Variants in SCFD2 observed in about 807,000 individuals in gnomAD.
SCFD2 encodes the protein sec1 family domain-containing protein 2.
In SCFD2, 54 loss-of-function variants were observed where a neutral mutation model predicts 58.9. That is an observed-to-expected ratio of 0.92 (90% confidence interval 0.74 to 1.15). The LOEUF (loss-of-function observed/expected upper bound fraction) is 1.15. SCFD2 is among the 50% of genes most tolerant of loss of function. The pLI is 0.00. For missense variants in SCFD2, 805 were observed against 836.6 expected (o/e 0.96, Z 0.47); for synonymous variants, 321 against 335.9 (o/e 0.96, Z 0.49).
chr4:53,115,298 A>G lies in SCFD2; in HGVS notation c.1561+30035T>C, dbSNP rs546384866. Among the ~76,000 whole-genome samples, 253 of 152,246 alleles carry G rather than the reference A, an allele frequency of 1.7e-3. 1 individual carries two copies. Among genetic ancestry groups the G allele is most frequent in the Admixed American group, 4.7e-3 (71 of 15,256 alleles). ...TTTAGAAACACTAATTCAAGAAAAA[A>G]CTGAAAGAACATGATAAGATTAACC... On this transcript the variant is annotated intron_variant, in intron 5 of 8. Transcript: ENST00000401642.
chr4:53,061,536 G>A (rs1723510998), intron 5 of SCFD2, among the ~76,000 whole-genome samples: 1 of 152,142 alleles, frequency 6.6e-6, no homozygotes, highest in African/African-American at 2.4e-5. Context: ...TACAAACGAG[G>A]ACAGGAGGAC....
chr4:53,202,963 C>A (rs1357699711), intron 4 of SCFD2, among the ~76,000 whole-genome samples: 1 of 152,180 alleles, frequency 6.6e-6, no homozygotes, highest in African/African-American at 2.4e-5. Flanking sequence ...ACAATCATGT[C>A]ATCTGCAAAC....
At chr4:52,930,314 AAT>A (rs1226379942) in intron 5 of SCFD2, among the ~76,000 whole-genome samples, 2 of 152,200 alleles carry the variant, frequency 1.3e-5, no homozygotes, top group African/African-American at 4.8e-5. Flanking sequence ...ATATGCAGAA[AAT>A]TGAAACTGGA....
chr4:53,314,619 C>T (rs751329397), intron 2 of SCFD2, among the ~76,000 whole-genome samples: 16 of 152,196 alleles, frequency 1.1e-4, no homozygotes, highest in Non-Finnish European at 2.1e-4. Flanking sequence ...TACTCACTCT[C>T]CTACTATCCA....
chr4:53,066,883 C>A (rs11733701), intron 5 of SCFD2, among the ~76,000 whole-genome samples: 4,870 of 152,042 alleles, frequency 0.032, 127 homozygotes, highest in Non-Finnish European at 0.047. Flanking sequence ...TTATACGTAG[C>A]AGTTATTCAA....
chr4:53,230,905 C>G (rs908000214), intron 4 of SCFD2, among the ~76,000 whole-genome samples: 1 of 152,040 alleles, frequency 6.6e-6, no homozygotes, highest in Non-Finnish European at 1.5e-5. Flanking sequence ...AAGAACTATA[C>G]ATACATCAAA....
At chr4:53,217,743 G>A (rs1054853902) in intron 4 of SCFD2, among the ~76,000 whole-genome samples, 8 of 152,140 alleles carry the variant, frequency 5.3e-5, no homozygotes, top group Non-Finnish European at 1.2e-4. Flanking sequence ...GGTATCAATG[G>A]TCTTTACAAT....
intron 7 of SCFD2, among the ~76,000 whole-genome samples, chr4:52,892,809 C>G (rs1268781692): frequency 6.6e-6 from 1 of 152,184 alleles, no homozygotes; most frequent in East Asian, 1.9e-4. Context: ...TGGTTTGTCT[C>G]TATATCTTCC....
intron 8 of SCFD2, among the ~76,000 whole-genome samples, chr4:52,885,208 G>A (rs1718707058): frequency 6.6e-6 from 1 of 152,120 alleles, no homozygotes; most frequent in Non-Finnish European, 1.5e-5. Context: ...CCCTCTAATT[G>A]CCACAGTTGG....
intron 4 of SCFD2, among the ~76,000 whole-genome samples, chr4:53,221,159 G>A (rs1323095587): frequency 2.0e-5 from 3 of 152,114 alleles, no homozygotes; most frequent in Non-Finnish European, 2.9e-5. Context: ...CCACTCAACA[G>A]CCACCTCACC....
At chr4:53,061,532 C>G (rs532112274) in intron 5 of SCFD2, among the ~76,000 whole-genome samples, 2 of 152,114 alleles carry the variant, frequency 1.3e-5, no homozygotes, top group Non-Finnish European at 2.9e-5. Flanking sequence ...TTAGTACAAA[C>G]GAGGACAGGA....
chr4:53,179,669 A>C (rs1416271907), intron 4 of SCFD2, among the ~76,000 whole-genome samples: 1 of 152,214 alleles, frequency 6.6e-6, no homozygotes, highest in Non-Finnish European at 1.5e-5. Flanking sequence ...TTAAATGTAA[A>C]TGGACTAAAT....
intron 5 of SCFD2, among the ~76,000 whole-genome samples, chr4:53,041,479 C>T (rs755764512): frequency 6.6e-6 from 1 of 152,150 alleles, no homozygotes; most frequent in African/African-American, 2.4e-5. Context: ...TACTTGCACA[C>T]AGTAAAACAG....
At chr4:53,338,871 C>T (rs898892332) in intron 2 of SCFD2, among the ~76,000 whole-genome samples, 3 of 151,854 alleles carry the variant, frequency 2.0e-5, no homozygotes, top group African/African-American at 7.3e-5. Flanking sequence ...TGAGCCACCG[C>T]GCCTGGCCGA....
At chr4:52,916,127 C>T (rs1719596202) in intron 6 of SCFD2, among the ~76,000 whole-genome samples, 1 of 152,220 alleles carries the variant, frequency 6.6e-6, no homozygotes. Flanking sequence ...CTGAAAGCCC[C>T]GTATAAGCTC....
intron 5 of SCFD2, among the ~76,000 whole-genome samples, chr4:53,009,688 TA>T (rs1443338865): frequency 6.6e-6 from 1 of 152,218 alleles, no homozygotes; most frequent in Non-Finnish European, 1.5e-5. Flanking sequence ...CCTCCATTTC[TA>T]CAGACTGAAG....
At chr4:53,236,938 A>T (rs1054322478) in intron 4 of SCFD2, among the ~76,000 whole-genome samples, 1 of 151,808 alleles carries the variant, frequency 6.6e-6, no homozygotes, top group Non-Finnish European at 1.5e-5. Context: ...GTCAGTAGCT[A>T]AACAAGTGAA....
chr4:53,023,554 C>T (rs1381428776), intron 5 of SCFD2, among the ~76,000 whole-genome samples: 1 of 152,134 alleles, frequency 6.6e-6, no homozygotes, highest in Admixed American at 6.6e-5. Flanking sequence ...TTAGTTCTCA[C>T]TTTTCTTTGG....
chr4:53,260,629 C>T (rs1337203450), intron 4 of SCFD2, among the ~76,000 whole-genome samples: 1 of 152,074 alleles, frequency 6.6e-6, no homozygotes, highest in Non-Finnish European at 1.5e-5. Context: ...ACTCAGTCCA[C>T]TAGTATTTTG....
Sources: gnomAD v4.1 joint callset for allele counts (sites outside exome capture counted in the v4.1 genomes callset) on GRCh38, gnomAD v4.1.1 for gene constraint, MANE v1.5 for transcripts, NCBI Gene and HGNC (gene_info 2026-07-23, HGNC 2026-07-21) for gene names.